The following NBAS variants were observed in gnomAD, a reference collection of about 807,000 sequenced individuals.
NBAS encodes the protein NAG/BC035112 fusion.
In NBAS, 219 loss-of-function variants were observed where a neutral mutation model predicts 302.5. The ratio of observed to expected loss-of-function variants is 0.72; its 90% confidence interval spans 0.65 to 0.81. The LOEUF (loss-of-function observed/expected upper bound fraction) is 0.81. NBAS is among the 30% of genes least tolerant of loss of function. The probability of loss-of-function intolerance (pLI) is 0.00; values close to 1 mark genes in which losing one functional copy is unlikely to be tolerated. For missense variants in NBAS, 2,932 were observed against 2,841.6 expected (o/e 1.03, Z -0.72); for synonymous variants, 1,118 against 1,021.6 (o/e 1.09, Z -1.80).
At chr2:14,946,993 C>A in the NBAS span, among the ~76,000 whole-genome samples, 2 of 150,436 alleles carry the variant, frequency 1.3e-5, no homozygotes, top group African/African-American at 4.8e-5. Flanking sequence ...ATATAACATA[C>A]CAAATCTATG....
chr2:15,149,587 G>T, the NBAS span, among the ~76,000 whole-genome samples: 2 of 152,112 alleles, frequency 1.3e-5, no homozygotes, highest in African/African-American at 4.8e-5. Flanking sequence ...CCAGGCTCAG[G>T]TGATCCTCCC....
intron 35 of NBAS, among the ~76,000 whole-genome samples, chr2:15,343,271 A>T (rs551753659): frequency 6.6e-6 from 1 of 152,298 alleles, no homozygotes; most frequent in South Asian, 2.1e-4. Context: ...AAACAACGTC[A>T]TATGAAAAAC....
the NBAS span, among the ~76,000 whole-genome samples, chr2:15,006,587 TG>T: frequency 6.6e-6 from 1 of 152,090 alleles, no homozygotes; most frequent in African/African-American, 2.4e-5. Context: ...AGGTCAAAGG[TG>T]ATTTCTGTTT....
the NBAS span, among the ~76,000 whole-genome samples, chr2:15,069,749 T>A: frequency 6.6e-6 from 1 of 152,232 alleles, no homozygotes; most frequent in Non-Finnish European, 1.5e-5. Context: ...TGTGACAGCA[T>A]CTACATAAAA....
At position 15,190,165 on chromosome 2, in the gene NBAS, T is replaced by C. The variant is rs947080943; in HGVS notation, c.6572+99A>G. ...CAAATACTGACTACGCACACACATA[T>C]AATTATTCTTTCATTGGCTCTTTGG... On this transcript the variant is annotated intron_variant, in intron 49 of 51. Transcript: ENST00000281513. The C allele has an allele frequency of 2.6e-5, 36 of 1,378,882 alleles. No individual in the cohort carries two copies. In the African/African-American group the frequency reaches 2.7e-4, roughly 11 times the overall value. The allele number at this position is 1,378,882 out of a possible 1,614,324, so 85.4% of individuals were successfully genotyped here. A position where few individuals can be genotyped will look rare whatever the true frequency, so the allele number is the denominator to read the frequency against.
downstream of NBAS, among the ~76,000 whole-genome samples, chr2:15,163,748 C>T (rs1456701362): frequency 4.0e-5 from 6 of 151,226 alleles, no homozygotes; most frequent in Non-Finnish European, 8.8e-5. Context: ...AAGGGTCCCA[C>T]GTCTTATTCT....
At chr2:15,023,250 T>C in the NBAS span, among the ~76,000 whole-genome samples, 3 of 152,198 alleles carry the variant, frequency 2.0e-5, no homozygotes, top group East Asian at 3.8e-4. Flanking sequence ...AACTCATTTT[T>C]AAGAACTTTA....
At chr2:14,926,539 G>T in the NBAS span, among the ~76,000 whole-genome samples, 3 of 152,086 alleles carry the variant, frequency 2.0e-5, no homozygotes, top group Non-Finnish European at 4.4e-5. Context: ...ATGAAATAGA[G>T]GATCAATAAA....
At chr2:15,091,240 T>C in the NBAS span, among the ~76,000 whole-genome samples, 1 of 152,140 alleles carries the variant, frequency 6.6e-6, no homozygotes, top group Admixed American at 6.5e-5. Flanking sequence ...CATGCATGCC[T>C]TGGGAGCTCT....
intron 25 of NBAS, among the ~76,000 whole-genome samples, chr2:15,403,899 GTC>G (rs1553305903): frequency 2.3e-5 from 3 of 129,690 alleles, no homozygotes; most frequent in African/African-American, 8.8e-5. Flanking sequence ...GTGTGTGTGT[GTC>G]TATACACTTT....
chr2:15,156,345 T>C, the NBAS span, among the ~76,000 whole-genome samples: 1 of 152,198 alleles, frequency 6.6e-6, no homozygotes, highest in East Asian at 1.9e-4. Flanking sequence ...AGTGTGAGGT[T>C]GGCTTCACAA....
At chr2:14,916,729 T>C in the NBAS span, among the ~76,000 whole-genome samples, 1 of 152,228 alleles carries the variant, frequency 6.6e-6, no homozygotes, top group Non-Finnish European at 1.5e-5. Context: ...ATTTATTGAC[T>C]CTTCCCTGTT....
chr2:15,144,765 A>T, the NBAS span, among the ~76,000 whole-genome samples: 3 of 152,246 alleles, frequency 2.0e-5, no homozygotes, highest in Non-Finnish European at 4.4e-5. Context: ...ACTCAGAAAC[A>T]GTCCCATATG....
chr2:15,533,076 T>C (rs1205346163), intron 9 of NBAS, among the ~76,000 whole-genome samples: 1 of 152,196 alleles, frequency 6.6e-6, no homozygotes, highest in Non-Finnish European at 1.5e-5. Context: ...CATGTTCTTT[T>C]ACACCTACCA....
the NBAS span, among the ~76,000 whole-genome samples, chr2:15,019,264 G>A: frequency 6.6e-6 from 1 of 152,120 alleles, no homozygotes; most frequent in Non-Finnish European, 1.5e-5. Context: ...ATGAATTGAG[G>A]TATAATGCTG....
At chr2:15,240,310 C>A (rs987293046) in intron 44 of NBAS, among the ~76,000 whole-genome samples, 12 of 151,920 alleles carry the variant, frequency 7.9e-5, no homozygotes, top group Non-Finnish European at 7.4e-5. Flanking sequence ...AGTCACTCAA[C>A]AGAGTTATGA....
chr2:15,186,282 GACCAT>G (rs1665082704), intron 50 of NBAS, among the ~76,000 whole-genome samples: 1 of 152,032 alleles, frequency 6.6e-6, no homozygotes. Context: ...CCTGAGTTTT[GACCAT>G]ACTTCGCAGA....
chr2:15,154,642 C>T, the NBAS span, among the ~76,000 whole-genome samples: 1 of 152,138 alleles, frequency 6.6e-6, no homozygotes, highest in South Asian at 2.1e-4. Context: ...AAGAGGTGGG[C>T]CCAGCCCTGC....
chr2:15,287,081 C>T lies in NBAS; in HGVS notation c.5130G>A (p.Thr1710=), dbSNP rs142832718. 1.1e-5 allele frequency: 17 copies of T among 1,608,252 alleles called. No individual in the cohort carries two copies. Among genetic ancestry groups the T allele is most frequent in the East Asian group, 6.7e-5 (3 of 44,854 alleles). ...VFMTHLEFLF[T]DSGLSTLEIE... ...ATGAACTGTGTGCTTACCCACTGTC[C>T]GTGAAGAGGAACTCCAAATGGGTCA... The change falls in exon 42 of 52, where the codon ACG becomes ACA. Residue 1710 remains threonine (T), a synonymous_variant. Transcript: ENST00000281513.
Sources: gnomAD v4.1 joint callset for allele counts (sites outside exome capture counted in the v4.1 genomes callset) on GRCh38, gnomAD v4.1.1 for gene constraint, MANE v1.5 for transcripts, NCBI Gene and HGNC (gene_info 2026-07-23, HGNC 2026-07-21) for gene names.